NCKAP5: variants seen among roughly 807,000 people sequenced by gnomAD.
NCKAP5 encodes nck-associated protein 5.
Under a neutral mutation model 167.0 loss-of-function variants are expected in NCKAP5, and 92 were observed. That is an observed-to-expected ratio of 0.55 (90% confidence interval 0.47 to 0.66). The LOEUF is 0.66. Among genes scored for constraint, NCKAP5 ranks in the 30% least tolerant of loss-of-function variants. The pLI is 0.00. For synonymous variants in NCKAP5, 891 were observed against 877.4 expected (o/e 1.02, Z -0.27); for missense variants, 2,378 against 2,315.0 (o/e 1.03, Z -0.56).
intron 19 of NCKAP5, among the ~76,000 whole-genome samples, chr2:132,701,660 CAT>C (rs2105246578): frequency 6.6e-6 from 1 of 152,146 alleles, no homozygotes; most frequent in South Asian, 2.1e-4. Flanking sequence ...ATGCCAGACA[CAT>C]ATAAAGAGAT....
At chr2:133,392,169 T>C (rs1343650795) in intron 3 of NCKAP5, among the ~76,000 whole-genome samples, 2 of 152,222 alleles carry the variant, frequency 1.3e-5, no homozygotes, top group Non-Finnish European at 2.9e-5. Flanking sequence ...TATTCAATGG[T>C]AGTCCCATAA....
chr2:132,776,923 G>C (rs1188322340), intron 15 of NCKAP5, among the ~76,000 whole-genome samples: 5 of 152,172 alleles, frequency 3.3e-5, no homozygotes, highest in African/African-American at 9.7e-5. Context: ...TCTCCATGTG[G>C]GAAAGCACTG....
intron 8 of NCKAP5, among the ~76,000 whole-genome samples, chr2:132,929,412 C>T (rs1013685625): frequency 1.3e-5 from 2 of 152,064 alleles, no homozygotes; most frequent in African/African-American, 4.8e-5. Context: ...ATGTGATTGG[C>T]TTTGCTTGAT....
At chr2:133,222,794 G>T (rs1403094737) in intron 4 of NCKAP5, among the ~76,000 whole-genome samples, 1 of 152,078 alleles carries the variant, frequency 6.6e-6, no homozygotes, top group African/African-American at 2.4e-5. Context: ...TTTAAATATG[G>T]CCATTCATGC....
chr2:133,410,193 C>T (rs890742383), intron 3 of NCKAP5, among the ~76,000 whole-genome samples: 4 of 152,210 alleles, frequency 2.6e-5, no homozygotes, highest in African/African-American at 7.2e-5. Flanking sequence ...CCATCTACTA[C>T]ACATTGCTGG....
chr2:133,196,347 G>C (rs528458099), intron 5 of NCKAP5, among the ~76,000 whole-genome samples: 1 of 152,300 alleles, frequency 6.6e-6, no homozygotes, highest in Non-Finnish European at 1.5e-5. Flanking sequence ...CTGGGGATGG[G>C]TCAGGGAGAG....
intron 8 of NCKAP5, among the ~76,000 whole-genome samples, chr2:132,938,978 A>C (rs1697064818): frequency 6.6e-6 from 1 of 152,208 alleles, no homozygotes; most frequent in Non-Finnish European, 1.5e-5. Flanking sequence ...CAATTGAACA[A>C]GGACAGGAGG....
intron 2 of NCKAP5, among the ~76,000 whole-genome samples, chr2:133,547,828 C>A (rs1686880237): frequency 6.7e-6 from 1 of 148,290 alleles, no homozygotes; most frequent in Non-Finnish European, 1.5e-5. Flanking sequence ...CGCCTCTCCT[C>A]CTCCAAAGGA....
intron 19 of NCKAP5, among the ~76,000 whole-genome samples, chr2:132,708,401 C>A (rs575432043): frequency 1.1e-4 from 17 of 151,990 alleles, no homozygotes; most frequent in Non-Finnish European, 1.5e-4. Context: ...TGAGTGAACA[C>A]CTGTGGTAGC....
intron 11 of NCKAP5, among the ~76,000 whole-genome samples, chr2:132,824,007 ACCTAACACTGGAGCT>A (rs1227438197): frequency 6.6e-6 from 1 of 152,216 alleles, no homozygotes; most frequent in Non-Finnish European, 1.5e-5. Flanking sequence ...ATATATATGC[ACCTAACACTGGAGCT>A]CCCAAATGTA....
intron 19 of NCKAP5, among the ~76,000 whole-genome samples, chr2:132,708,812 T>C (rs1201591809): frequency 1.3e-5 from 2 of 152,256 alleles, no homozygotes; most frequent in Admixed American, 6.5e-5. Flanking sequence ...TATATATACA[T>C]GGTGCTAATA....
chr2:133,656,079 A>G, the NCKAP5 span, among the ~76,000 whole-genome samples: 1 of 152,216 alleles, frequency 6.6e-6, no homozygotes, highest in Non-Finnish European at 1.5e-5. Flanking sequence ...CTCCCTGTTC[A>G]AACACACAAC....
intron 3 of NCKAP5, among the ~76,000 whole-genome samples, chr2:133,391,957 A>G (rs934711076): frequency 2.4e-4 from 37 of 152,164 alleles, no homozygotes; most frequent in Admixed American, 2.6e-4. Context: ...AGGGGTTACA[A>G]CGTCCCTTTG....
At chr2:132,857,460 G>A (rs1369690054) in intron 11 of NCKAP5, among the ~76,000 whole-genome samples, 4 of 152,152 alleles carry the variant, frequency 2.6e-5, no homozygotes. Flanking sequence ...AAGTGTACAT[G>A]GTAGAGAGCT....
intron 15 of NCKAP5, among the ~76,000 whole-genome samples, chr2:132,778,024 C>T (rs2104991805): frequency 6.6e-6 from 1 of 152,200 alleles, no homozygotes; most frequent in East Asian, 1.9e-4. Context: ...GAGCCTAGAG[C>T]TGTCTTTCTT....
intron 7 of NCKAP5, among the ~76,000 whole-genome samples, chr2:132,967,190 C>T (rs572115920): frequency 6.7e-6 from 1 of 149,310 alleles, no homozygotes; most frequent in Non-Finnish European, 1.5e-5. Context: ...CACACACACA[C>T]ACACACACAC....
chr2:133,224,878 C>T (rs1386616859), intron 4 of NCKAP5, among the ~76,000 whole-genome samples: 1 of 152,072 alleles, frequency 6.6e-6, no homozygotes, highest in African/African-American at 2.4e-5. Context: ...AAAAGCTTTC[C>T]TTGAGATATA....
intron 19 of NCKAP5, among the ~76,000 whole-genome samples, chr2:132,721,501 C>T (rs1459272384): frequency 1.3e-5 from 2 of 152,148 alleles, no homozygotes; most frequent in Middle Eastern, 3.2e-3. Flanking sequence ...CGGCCAATCT[C>T]CTTTTCACAG....
intron 19 of NCKAP5, among the ~76,000 whole-genome samples, chr2:132,720,393 A>C (rs1689790240): frequency 6.6e-6 from 1 of 152,252 alleles, no homozygotes; most frequent in Non-Finnish European, 1.5e-5. Flanking sequence ...CCTTGAAAGA[A>C]AAGTCGTGTA....
Sources: gnomAD v4.1 joint callset for allele counts (sites outside exome capture counted in the v4.1 genomes callset) on GRCh38, gnomAD v4.1.1 for gene constraint, MANE v1.5 for transcripts, NCBI Gene and HGNC (gene_info 2026-07-23, HGNC 2026-07-21) for gene names.